Variants in KCNN3 observed in about 807,000 individuals in gnomAD.
KCNN3 encodes small conductance calcium-activated potassium channel protein 3.
In KCNN3, 16 loss-of-function variants were observed where a neutral mutation model predicts 62.9. That is an observed-to-expected ratio of 0.25 (90% confidence interval 0.17 to 0.39). The LOEUF is 0.39. Ranked by LOEUF, KCNN3 falls within the 10% of genes least tolerant of loss-of-function variation. The probability of loss-of-function intolerance (pLI) is 1.00; values close to 1 mark genes in which losing one functional copy is unlikely to be tolerated. For missense variants in KCNN3, 599 were observed against 949.4 expected (o/e 0.63, Z 4.85); for synonymous variants, 370 against 389.2 (o/e 0.95, Z 0.58).
At position 154,701,007 on chromosome 1, in the gene KCNN3, T is replaced by G. The variant is rs1699842771; in HGVS notation, c.*6969A>C. 6.6e-6 allele frequency: 1 copy of G among 152,050 alleles called. No homozygotes were observed. Among genetic ancestry groups the G allele is most frequent in the Non-Finnish European group, 1.5e-5 (1 of 68,004 alleles). The allele number at this position is 152,050 out of a possible 1,614,324, so 9.4% of individuals were successfully genotyped here. The stretch of plus-strand genomic sequence containing the variant: ...GGCTTTAGTGGAGCTCGGCCTAACA[T>G]ATAACTGAGGAGTAATACAGGCACT... On this transcript the variant is annotated 3_prime_UTR_variant, in exon 8 of 8. Transcript: ENST00000271915.
At chr1:154,837,669 C>G (rs1286267130) in intron 1 of KCNN3, among the ~76,000 whole-genome samples, 1 of 152,216 alleles carries the variant, frequency 6.6e-6, no homozygotes, top group East Asian at 1.9e-4. Flanking sequence ...AAGAGCCAGT[C>G]TGGGGCTCCC....
intron 2 of KCNN3, among the ~76,000 whole-genome samples, chr1:154,779,582 T>G (rs1557971950): frequency 1.3e-5 from 2 of 152,162 alleles, no homozygotes; most frequent in Non-Finnish European, 2.9e-5. Context: ...GTTTAGTTGT[T>G]TTGCATACAA....
chr1:154,750,802 G>A (rs541995678), intron 3 of KCNN3, among the ~76,000 whole-genome samples: 3 of 152,118 alleles, frequency 2.0e-5, no homozygotes, highest in Non-Finnish European at 4.4e-5. Flanking sequence ...CTGTGCTCGG[G>A]GTCTCTGCAT....
intron 2 of KCNN3, among the ~76,000 whole-genome samples, chr1:154,818,941 C>T (rs564474874): frequency 7.9e-5 from 12 of 152,316 alleles, no homozygotes; most frequent in Non-Finnish European, 1.0e-4. Context: ...CTGGGGAAGA[C>T]GGGGACATGA....
At chr1:154,760,649 G>T (rs1435111049) in intron 3 of KCNN3, among the ~76,000 whole-genome samples, 1 of 152,194 alleles carries the variant, frequency 6.6e-6, no homozygotes, top group Non-Finnish European at 1.5e-5. Flanking sequence ...CTCCACGACC[G>T]CCTGGCCGCG....
chr1:154,752,585 C>A (rs1215593629), intron 3 of KCNN3, among the ~76,000 whole-genome samples: 2 of 152,180 alleles, frequency 1.3e-5, no homozygotes, highest in Non-Finnish European at 2.9e-5. Context: ...TGCTCCTGCC[C>A]TGCTTACTTC....
At chr1:154,825,510 C>T (rs1241954499) in intron 1 of KCNN3, among the ~76,000 whole-genome samples, 9 of 150,814 alleles carry the variant, frequency 6.0e-5, no homozygotes, top group Admixed American at 3.3e-4. Context: ...GGACTACAGG[C>T]GCCCGCCACT....
chr1:154,745,646 A>G (rs1004830258), intron 3 of KCNN3, among the ~76,000 whole-genome samples: 9 of 152,204 alleles, frequency 5.9e-5, no homozygotes, highest in African/African-American at 2.2e-4. Flanking sequence ...GCCAGCTGCC[A>G]TTCCTTCCAC....
At chr1:154,744,415 T>C (rs1170841094) in intron 3 of KCNN3, among the ~76,000 whole-genome samples, 1 of 152,232 alleles carries the variant, frequency 6.6e-6, no homozygotes, top group Non-Finnish European at 1.5e-5. Flanking sequence ...TTTTTTCGGC[T>C]GCTAAAGATG....
intron 4 of KCNN3, 102 bp downstream of exon 4, chr1:154,732,901 C>G: frequency 7.6e-7 from 1 of 1,321,866 alleles, no homozygotes; most frequent in Non-Finnish European, 1.1e-6. Flanking sequence ...CTAACAGCCA[C>G]CCCCCGCTCT....
intron 2 of KCNN3, among the ~76,000 whole-genome samples, chr1:154,797,404 C>G (rs1429301818): frequency 6.6e-6 from 1 of 152,202 alleles, no homozygotes. Flanking sequence ...GGAGATAATA[C>G]TGTAGTACAT....
chr1:154,813,236 A>G (rs574774204), intron 2 of KCNN3, among the ~76,000 whole-genome samples: 1 of 85,076 alleles, frequency 1.2e-5, no homozygotes. Context: ...TTTTTTGAAC[A>G]TTTTCATTCT....
rs1187483246 is a variant in KCNN3, at chr1:154,869,231, T to G, written c.734A>C (p.His245Pro). The change falls in exon 1 of 8, where the codon CAT becomes CCT. Residue 245 changes from histidine to proline, a missense_variant. His to Pro is a moderately conservative substitution (Grantham distance 77). Transcript: ENST00000271915. This position sits in a 1 kb window ranked among gnomAD's most constrained non-coding sequence, Gnocchi z 6.1. The stretch of plus-strand genomic sequence containing the variant: ...GGTGCTGCTGGCGGTGGTGCCGGCA[T>G]GCTGGTGGTTGTGGGTGGCATTAGG... ...HHPNATHNHQ[H>P]AGTTASSTTF... 2 of 1,613,120 alleles carry G rather than the reference T, an allele frequency of 1.2e-6. No homozygotes were observed. The highest frequency in any genetic ancestry group is 2.2e-5 in the East Asian group (1 of 44,788).
chr1:154,834,505 C>T (rs923268126), intron 1 of KCNN3, among the ~76,000 whole-genome samples: 2 of 152,212 alleles, frequency 1.3e-5, no homozygotes, highest in Admixed American at 6.5e-5. Context: ...CATGAGGCAG[C>T]CCCATCTCAA....
chr1:154,805,795 T>C (rs910616539), intron 2 of KCNN3, among the ~76,000 whole-genome samples: 1 of 152,204 alleles, frequency 6.6e-6, no homozygotes, highest in African/African-American at 2.4e-5. Flanking sequence ...TAGAGGATTG[T>C]GGTAGGCAGA....
chr1:154,857,325 C>T (rs1469941672), intron 1 of KCNN3, among the ~76,000 whole-genome samples: 1 of 152,190 alleles, frequency 6.6e-6, no homozygotes. Context: ...GCTCGGGTGG[C>T]CCCTCCAGGG....
intron 3 of KCNN3, among the ~76,000 whole-genome samples, chr1:154,747,661 C>G (rs974009254): frequency 6.6e-6 from 1 of 152,166 alleles, no homozygotes; most frequent in African/African-American, 2.4e-5. Context: ...CAGAAGTCGG[C>G]TGTCTGAATA....
intron 1 of KCNN3, among the ~76,000 whole-genome samples, chr1:154,823,677 A>G (rs1172195875): frequency 6.6e-6 from 1 of 152,208 alleles, no homozygotes; most frequent in Non-Finnish European, 1.5e-5. Flanking sequence ...TAAGACAACA[A>G]GGTAAGGTAG....
intron 5 of KCNN3, among the ~76,000 whole-genome samples, chr1:154,719,468 C>G (rs897314889): frequency 6.6e-6 from 1 of 152,182 alleles, no homozygotes; most frequent in Non-Finnish European, 1.5e-5. Flanking sequence ...CTGTAGGCCA[C>G]TGTAACACAA....
Sources: allele counts gnomAD v4.1 joint callset (sites outside exome capture counted in the v4.1 genomes callset), GRCh38; gene constraint gnomAD v4.1.1; non-coding constraint Gnocchi (gnomAD v3.1); transcripts MANE v1.5; gene names NCBI Gene and HGNC (gene_info 2026-07-23, HGNC 2026-07-21).